The following GRHL2 variants were observed in gnomAD, a reference collection of about 807,000 sequenced individuals.
The protein encoded by GRHL2 is grainyhead like transcription factor 2.
GRHL2 carries 21 observed loss-of-function variants against 83.8 expected under a neutral mutation model. The observed-to-expected ratio is 0.25, with a 90% CI of 0.18 to 0.36. The LOEUF (loss-of-function observed/expected upper bound fraction) is 0.36, where lower values mean the gene tolerates loss of function less well. Among genes scored for constraint, GRHL2 ranks in the 10% least tolerant of loss-of-function variants. The pLI is 1.00. For synonymous variants in GRHL2, 280 were observed against 278.9 expected (o/e 1.00, Z -0.04); for missense variants, 623 against 781.8 (o/e 0.80, Z 2.42).
At chr8:101,562,442 C>T in intron 4 of GRHL2, 1 of 466,354 alleles carries the variant, frequency 2.1e-6, no homozygotes. Context: ...CATGCCGTGG[C>T]CAGGGTAGAT....
chr8:101,625,015 G>A (rs1405796152), intron 9 of GRHL2, among the ~76,000 whole-genome samples: 1 of 152,058 alleles, frequency 6.6e-6, no homozygotes, highest in Non-Finnish European at 1.5e-5. Context: ...ATCAGCTTAT[G>A]TCTTTAATTC....
intron 14 of GRHL2, among the ~76,000 whole-genome samples, chr8:101,654,953 C>CG (rs1010658736): frequency 9.2e-5 from 14 of 152,050 alleles, no homozygotes; most frequent in Non-Finnish European, 1.6e-4. Flanking sequence ...GAGGTTGAGG[C>CG]GGGCAGATCA....
At chr8:101,530,412 ACT>A (rs1297293663) in intron 1 of GRHL2, among the ~76,000 whole-genome samples, 1 of 151,936 alleles carries the variant, frequency 6.6e-6, no homozygotes, top group Admixed American at 6.6e-5. Flanking sequence ...AGAAAAACTG[ACT>A]CTCTCTTTAA....
At chr8:101,595,612 G>A (rs2130301871) in intron 7 of GRHL2, among the ~76,000 whole-genome samples, 1 of 152,234 alleles carries the variant, frequency 6.6e-6, no homozygotes, top group South Asian at 2.1e-4. Context: ...CTGGCCTGCT[G>A]GAAGCACAGG....
At chr8:101,633,804 C>T (rs1813233737) in intron 11 of GRHL2, among the ~76,000 whole-genome samples, 1 of 152,068 alleles carries the variant, frequency 6.6e-6, no homozygotes. Context: ...TTTTATGGGG[C>T]TAGGTTTCCA....
At chr8:101,585,766 G>A (rs1812150105) in intron 7 of GRHL2, among the ~76,000 whole-genome samples, 1 of 152,214 alleles carries the variant, frequency 6.6e-6, no homozygotes, top group African/African-American at 2.4e-5. Flanking sequence ...GTAAATGCAA[G>A]TGTTCTCTAA....
chr8:101,659,383 G>C (rs951166150), intron 14 of GRHL2, among the ~76,000 whole-genome samples: 1 of 152,178 alleles, frequency 6.6e-6, no homozygotes, highest in Admixed American at 6.5e-5. Context: ...TATATATACT[G>C]TTTGGGCATC....
At chr8:101,662,622 C>T (rs951728630) in intron 14 of GRHL2, among the ~76,000 whole-genome samples, 1 of 152,168 alleles carries the variant, frequency 6.6e-6, no homozygotes, top group African/African-American at 2.4e-5. Context: ...AAGGGGCAGA[C>T]AGAGTTGATT....
At chr8:101,648,543 C>T (rs1292150438) in intron 13 of GRHL2, among the ~76,000 whole-genome samples, 1 of 152,112 alleles carries the variant, frequency 6.6e-6, no homozygotes, top group Non-Finnish European at 1.5e-5. Context: ...CTCTGCGAGG[C>T]AGATGTTATT....
intron 4 of GRHL2, among the ~76,000 whole-genome samples, chr8:101,565,257 T>C (rs780405349): frequency 2.0e-5 from 3 of 152,072 alleles, no homozygotes; most frequent in Non-Finnish European, 4.4e-5. Flanking sequence ...CCAAAAATAT[T>C]TTAAGAAACA....
At chr8:101,605,210 G>A (rs1175659115) in intron 8 of GRHL2, among the ~76,000 whole-genome samples, 1 of 152,196 alleles carries the variant, frequency 6.6e-6, no homozygotes, top group African/African-American at 2.4e-5. Context: ...AGACCCAATG[G>A]AGGTGGGGAA....
At chr8:101,673,844 TA>T (rs1814248484), downstream of GRHL2, among the ~76,000 whole-genome samples, 1 of 151,804 alleles carries the variant, frequency 6.6e-6, no homozygotes, top group South Asian at 2.1e-4. Flanking sequence ...GAACAGAAAT[TA>T]TAACAAACTG....
intron 11 of GRHL2, 129 bp from the exon 12 acceptor site, chr8:101,636,764 CACTG>C: frequency 1.3e-6 from 1 of 755,570 alleles, no homozygotes; most frequent in African/African-American, 1.8e-5. Context: ...CACACACACA[CACTG>C]TTATTAAACA....
intron 7 of GRHL2, 61 bp downstream of exon 7, chr8:101,577,580 A>C: frequency 1.8e-6 from 2 of 1,127,278 alleles, no homozygotes; most frequent in South Asian, 2.5e-5. Context: ...TCTCAATGCC[A>C]AGGGGAGCCT....
chr8:101,520,082 A>G (rs964639756), intron 1 of GRHL2, among the ~76,000 whole-genome samples: 1 of 152,202 alleles, frequency 6.6e-6, no homozygotes. Flanking sequence ...CTCCTTTTCT[A>G]GAAGGGACAT....
At chr8:101,557,736 A>T (rs1811517062) in intron 3 of GRHL2, among the ~76,000 whole-genome samples, 2 of 152,080 alleles carry the variant, frequency 1.3e-5, no homozygotes, top group Non-Finnish European at 2.9e-5. Context: ...TGACAAATTT[A>T]GGTCAGTAGG....
chr8:101,673,659 G>C (rs1197520701), downstream of GRHL2, among the ~76,000 whole-genome samples: 1 of 152,040 alleles, frequency 6.6e-6, no homozygotes, highest in East Asian at 1.9e-4. Flanking sequence ...AAGACAGAAA[G>C]TTAACAAGGA....
chr8:101,565,966 T>A (rs1811709193), intron 4 of GRHL2, among the ~76,000 whole-genome samples: 1 of 152,246 alleles, frequency 6.6e-6, no homozygotes, highest in Non-Finnish European at 1.5e-5. Flanking sequence ...TTTATATTCA[T>A]CTAGTCTGAA....
At chr8:101,642,839 A>T (rs567504084) in intron 12 of GRHL2, among the ~76,000 whole-genome samples, 1 of 152,314 alleles carries the variant, frequency 6.6e-6, no homozygotes, top group South Asian at 2.1e-4. Context: ...TATTAGTTGC[A>T]TTGCCCTGCA....
Sources: allele counts gnomAD v4.1 joint callset (sites outside exome capture counted in the v4.1 genomes callset), GRCh38; gene constraint gnomAD v4.1.1; transcripts MANE v1.5; gene names NCBI Gene and HGNC (gene_info 2026-07-23, HGNC 2026-07-21).